RIMS2: variants seen among roughly 807,000 people sequenced by gnomAD.
The protein encoded by RIMS2 is regulating synaptic membrane exocytosis protein 2.
A neutral mutation model predicts 174.4 loss-of-function variants in RIMS2; 59 were observed. The ratio of observed to expected loss-of-function variants is 0.34; its 90% CI spans 0.27 to 0.42. The LOEUF (loss-of-function observed/expected upper bound fraction) is 0.42, where lower values mean the gene tolerates loss of function less well. Among genes scored for constraint, RIMS2 ranks in the 10% least tolerant of loss-of-function variants. The probability of loss-of-function intolerance (pLI) is 1.00; values close to 1 mark genes in which losing one functional copy is unlikely to be tolerated. For missense variants in RIMS2, 1,620 were observed against 1,666.3 expected (o/e 0.97, Z 0.48); for synonymous variants, 606 against 572.5 (o/e 1.06, Z -0.84).
intron 19 of RIMS2, among the ~76,000 whole-genome samples, chr8:104,017,808 G>A (rs2095964380): frequency 2.0e-5 from 3 of 152,164 alleles, no homozygotes; most frequent in African/African-American, 7.2e-5. Flanking sequence ...GGCCCACGTG[G>A]CTCACGTCTG....
chr8:103,665,948 G>T (rs12334431), intron 1 of RIMS2, among the ~76,000 whole-genome samples: 26,905 of 152,012 alleles, frequency 0.18, 2,586 homozygotes, highest in African/African-American at 0.24. Flanking sequence ...TCCAGTAACA[G>T]TTTTCTTATA....
At chr8:103,894,657 A>T (rs549043039) in intron 4 of RIMS2, among the ~76,000 whole-genome samples, 39 of 151,668 alleles carry the variant, frequency 2.6e-4, no homozygotes, top group Non-Finnish European at 4.6e-4. Flanking sequence ...AAACACTAAC[A>T]TTGAACCCTA....
chr8:104,190,137 A>G (rs1683734519), intron 19 of RIMS2, among the ~76,000 whole-genome samples: 1 of 152,008 alleles, frequency 6.6e-6, no homozygotes, highest in Non-Finnish European at 1.5e-5. Context: ...CCTTCTCTCT[A>G]CAAAAAATTA....
intron 17 of RIMS2, among the ~76,000 whole-genome samples, chr8:104,004,109 G>A (rs1810439399): frequency 1.3e-5 from 2 of 152,110 alleles, no homozygotes; most frequent in Admixed American, 1.3e-4. Context: ...GTTCAGTTTT[G>A]GAATTACTGA....
intron 19 of RIMS2, among the ~76,000 whole-genome samples, chr8:104,027,160 C>A (rs955456595): frequency 2.0e-5 from 3 of 152,068 alleles, no homozygotes; most frequent in African/African-American, 7.2e-5. Context: ...CCATTTAGGG[C>A]AATTCAGTCA....
chr8:103,517,204 G>A (rs1247931481), intron 1 of RIMS2, among the ~76,000 whole-genome samples: 1 of 152,136 alleles, frequency 6.6e-6, no homozygotes, highest in Admixed American at 6.6e-5. Flanking sequence ...GCTAGTATAC[G>A]AACATGGAGG....
intron 17 of RIMS2, chr8:103,998,135 C>A: frequency 7.6e-7 from 1 of 1,309,600 alleles, no homozygotes; most frequent in Non-Finnish European, 1.1e-6. Context: ...ACTTTTTTTT[C>A]ACTTCTTTCT....
intron 19 of RIMS2, among the ~76,000 whole-genome samples, chr8:104,077,390 G>T (rs904910675): frequency 4.0e-5 from 6 of 151,504 alleles, no homozygotes; most frequent in African/African-American, 9.7e-5. Context: ...TATCTTTAAG[G>T]TAATCTTAAA....
intron 2 of RIMS2, among the ~76,000 whole-genome samples, chr8:103,741,686 C>T (rs2097763192): frequency 6.6e-6 from 1 of 152,066 alleles, no homozygotes; most frequent in Non-Finnish European, 1.5e-5. Flanking sequence ...GGAAAATGCT[C>T]ATTTTAGCGT....
intron 3 of RIMS2, among the ~76,000 whole-genome samples, chr8:103,818,152 G>T (rs1005635227): frequency 3.9e-5 from 6 of 152,028 alleles, no homozygotes; most frequent in Non-Finnish European, 5.9e-5. Flanking sequence ...ACATGATTAT[G>T]CCAAAAAAGA....
At chr8:103,896,932 T>TA in intron 4 of RIMS2, among the ~76,000 whole-genome samples, 2 of 151,720 alleles carry the variant, frequency 1.3e-5, no homozygotes, top group Non-Finnish European at 2.9e-5. Flanking sequence ...TATTTGGTAT[T>TA]AAAAAACAGT....
chr8:104,099,967 G>A (rs1275797430), intron 19 of RIMS2, among the ~76,000 whole-genome samples: 4 of 151,594 alleles, frequency 2.6e-5, no homozygotes, highest in African/African-American at 7.3e-5. Flanking sequence ...ACAGGGTCAC[G>A]CCATCACACC....
intron 1 of RIMS2, among the ~76,000 whole-genome samples, chr8:103,638,033 G>A (rs1001171586): frequency 6.6e-6 from 1 of 152,112 alleles, no homozygotes; most frequent in African/African-American, 2.4e-5. Flanking sequence ...GTTATTGGAA[G>A]AATACCACAG....
At chr8:104,179,772 A>T (rs1428864023) in intron 19 of RIMS2, among the ~76,000 whole-genome samples, 1 of 151,582 alleles carries the variant, frequency 6.6e-6, no homozygotes, top group East Asian at 1.9e-4. Flanking sequence ...TTTTTAATTT[A>T]TAAAACCAAT....
chr8:103,766,192 A>T, intron 2 of RIMS2, 35 bp from the exon 6 acceptor site: 1 of 1,452,706 alleles, frequency 6.9e-7, no homozygotes, highest in Non-Finnish European at 9.4e-7. Context: ...ACTTTTGGGA[A>T]CACTAATTTT....
At chr8:103,994,559 G>GA (rs1474751110) in intron 17 of RIMS2, among the ~76,000 whole-genome samples, 1 of 151,910 alleles carries the variant, frequency 6.6e-6, no homozygotes, top group Non-Finnish European at 1.5e-5. Flanking sequence ...ATTAATTTTG[G>GA]AAGAAAAGTA....
intron 2 of RIMS2, among the ~76,000 whole-genome samples, chr8:103,761,993 C>G (rs1269591203): frequency 1.3e-5 from 2 of 149,312 alleles, no homozygotes; most frequent in African/African-American, 4.9e-5. Context: ...TTAGATTGCT[C>G]TCAATTATTG....
intron 3 of RIMS2, among the ~76,000 whole-genome samples, chr8:103,807,279 G>T (rs192068933): frequency 8.1e-4 from 124 of 152,170 alleles, no homozygotes; most frequent in African/African-American, 2.8e-3. Context: ...AGTAAAAATG[G>T]TTTAAAAGTC....
At chr8:103,508,202 G>A (rs900028875) in intron 1 of RIMS2, among the ~76,000 whole-genome samples, 2 of 151,986 alleles carry the variant, frequency 1.3e-5, no homozygotes, top group African/African-American at 2.4e-5. Flanking sequence ...ACCATTATCA[G>A]GTAATTCTTA....
Sources: gnomAD v4.1 joint callset for allele counts (sites outside exome capture counted in the v4.1 genomes callset) on GRCh38, gnomAD v4.1.1 for gene constraint, MANE v1.5 for transcripts, NCBI Gene and HGNC (gene_info 2026-07-23, HGNC 2026-07-21) for gene names.